The following DCLK1 variants were observed in gnomAD, a reference collection of about 807,000 sequenced individuals.
DCLK1 encodes the protein serine/threonine-protein kinase DCLK1.
In DCLK1, 16 loss-of-function variants were observed where a neutral mutation model predicts 86.2. The observed-to-expected ratio is 0.19, with a 90% CI of 0.13 to 0.28. DCLK1 has a LOEUF of 0.28. DCLK1 is among the 10% of genes least tolerant of loss of function. DCLK1 has a pLI of 1.00. For missense variants in DCLK1, 590 were observed against 940.2 expected, an observed-to-expected ratio of 0.63 and a Z score of 4.87; for synonymous variants, 369 against 370.5, an observed-to-expected ratio of 1.00 and a Z score of 0.05.
intron 3 of DCLK1, among the ~76,000 whole-genome samples, chr13:36,000,183 G>A (rs960445516): frequency 6.6e-6 from 1 of 152,094 alleles, no homozygotes; most frequent in African/African-American, 2.4e-5. Context: ...AATCTAAGAG[G>A]CTTATTAATG....
chr13:35,966,135 C>A (rs1878722709), intron 3 of DCLK1, among the ~76,000 whole-genome samples: 1 of 152,094 alleles, frequency 6.6e-6, no homozygotes, highest in African/African-American at 2.4e-5. Context: ...TGGAAAATAA[C>A]AAGCGTTGGC....
chr13:35,978,786 G>T (rs893407594), intron 3 of DCLK1, among the ~76,000 whole-genome samples: 1 of 151,872 alleles, frequency 6.6e-6, no homozygotes, highest in African/African-American at 2.4e-5. Context: ...CTTTTTTTCT[G>T]TAAGGCCCCA....
intron 11 of DCLK1, among the ~76,000 whole-genome samples, chr13:35,813,165 T>G (rs1332586730): frequency 1.3e-5 from 2 of 152,244 alleles, no homozygotes; most frequent in Non-Finnish European, 2.9e-5. Context: ...AATTCCATTT[T>G]GTTAACAATA....
intron 3 of DCLK1, among the ~76,000 whole-genome samples, chr13:36,016,660 A>T (rs1352211779): frequency 6.6e-6 from 1 of 152,232 alleles, no homozygotes; most frequent in Non-Finnish European, 1.5e-5. Flanking sequence ...AACAACCTGA[A>T]CACATTTTCT....
chr13:35,976,680 G>A (rs957253819), intron 3 of DCLK1, among the ~76,000 whole-genome samples: 1 of 151,660 alleles, frequency 6.6e-6, no homozygotes, highest in Non-Finnish European at 1.5e-5. Flanking sequence ...ACAGGCGCCC[G>A]CCACTGCGCC....
At chr13:35,996,661 C>T (rs1880491784) in intron 3 of DCLK1, among the ~76,000 whole-genome samples, 1 of 151,996 alleles carries the variant, frequency 6.6e-6, no homozygotes, top group Non-Finnish European at 1.5e-5. Context: ...TTGAACTTGC[C>T]TGTCTCGATG....
At chr13:35,839,569 C>T (rs946842689) in intron 6 of DCLK1, among the ~76,000 whole-genome samples, 8 of 152,082 alleles carry the variant, frequency 5.3e-5, no homozygotes, top group Admixed American at 6.5e-5. Context: ...ACTATTTTTT[C>T]TATTTTTCTG....
chr13:35,821,059 G>A (rs1173003577), intron 11 of DCLK1, among the ~76,000 whole-genome samples: 2 of 152,210 alleles, frequency 1.3e-5, no homozygotes, highest in Non-Finnish European at 2.9e-5. Context: ...TAGTGTAGTA[G>A]TATGAGCTAA....
chr13:36,022,863 A>AT (rs537420034), intron 3 of DCLK1, among the ~76,000 whole-genome samples: 129 of 152,302 alleles, frequency 8.5e-4, no homozygotes, highest in African/African-American at 2.8e-3. Flanking sequence ...AAACTCTTCC[A>AT]AAAAAGAGGA....
intron 4 of DCLK1, among the ~76,000 whole-genome samples, chr13:35,895,483 A>G (rs1464289842): frequency 6.6e-6 from 1 of 152,116 alleles, no homozygotes; most frequent in Non-Finnish European, 1.5e-5. Context: ...ATTTTTCTAC[A>G]TTGTATCTAT....
At chr13:35,826,833 G>T (rs948227488) in intron 10 of DCLK1, among the ~76,000 whole-genome samples, 1 of 152,062 alleles carries the variant, frequency 6.6e-6, no homozygotes, top group Non-Finnish European at 1.5e-5. Flanking sequence ...CCCTGGCGGT[G>T]CTCACAGCTG....
At chr13:35,963,012 G>A (rs889459362) in intron 3 of DCLK1, among the ~76,000 whole-genome samples, 14 of 152,132 alleles carry the variant, frequency 9.2e-5, no homozygotes, top group African/African-American at 3.4e-4. Flanking sequence ...TGACTTCTAA[G>A]ATAGAAACAA....
intron 8 of DCLK1, among the ~76,000 whole-genome samples, chr13:35,830,637 G>A (rs1266767643): frequency 1.3e-5 from 2 of 152,176 alleles, no homozygotes; most frequent in Non-Finnish European, 2.9e-5. Context: ...TCTCAGGTTG[G>A]AATACATGAG....
intron 4 of DCLK1, among the ~76,000 whole-genome samples, chr13:35,944,832 G>C (rs1877275647): frequency 6.6e-6 from 1 of 152,148 alleles, no homozygotes; most frequent in Non-Finnish European, 1.5e-5. Context: ...GTGTGTGTGT[G>C]TGTGTTTGCA....
chr13:35,825,804 T>A (rs2087507653), intron 10 of DCLK1, among the ~76,000 whole-genome samples: 1 of 131,400 alleles, frequency 7.6e-6, no homozygotes, highest in South Asian at 2.8e-4. Flanking sequence ...TCAAATGAAA[T>A]CGACTTTTCT....
At chr13:36,038,215 A>G (rs1882577381) in intron 3 of DCLK1, among the ~76,000 whole-genome samples, 1 of 152,214 alleles carries the variant, frequency 6.6e-6, no homozygotes, top group Admixed American at 6.5e-5. Context: ...TAAGCTGGTA[A>G]CAGTTCCCAA....
chr13:35,872,338 T>G (rs756835985), intron 4 of DCLK1, among the ~76,000 whole-genome samples: 5 of 152,250 alleles, frequency 3.3e-5, no homozygotes, highest in Non-Finnish European at 7.3e-5. Flanking sequence ...GCATTAGGAT[T>G]TGTTCATATG....
chr13:35,822,185 C>G (rs2087411126), intron 11 of DCLK1, among the ~76,000 whole-genome samples: 1 of 151,972 alleles, frequency 6.6e-6, no homozygotes, highest in Non-Finnish European at 1.5e-5. Flanking sequence ...GGGTCTCACT[C>G]TGTCACCCAG....
chr13:36,065,037 G>A (rs1190314436), intron 3 of DCLK1, among the ~76,000 whole-genome samples: 2 of 152,172 alleles, frequency 1.3e-5, no homozygotes, highest in South Asian at 2.1e-4. Context: ...TAAACGGACT[G>A]CAGATATTTG....
Sources: gnomAD v4.1 joint callset for allele counts (sites outside exome capture counted in the v4.1 genomes callset) on GRCh38, gnomAD v4.1.1 for gene constraint, MANE v1.5 for transcripts, NCBI Gene and HGNC (gene_info 2026-07-23, HGNC 2026-07-21) for gene names.